The following SNX7 variants were observed in gnomAD, a reference collection of about 807,000 sequenced individuals.
SNX7 encodes the protein sorting nexin 7.
A neutral mutation model predicts 48.4 loss-of-function variants in SNX7; 35 were observed. That is an observed-to-expected ratio of 0.72 (90% CI 0.55 to 0.96). The LOEUF is 0.96. Ranked by LOEUF, SNX7 falls within the 40% of genes least tolerant of loss-of-function variation. The probability of loss-of-function intolerance (pLI) is 0.00; values close to 1 mark genes in which losing one functional copy is unlikely to be tolerated. For missense variants in SNX7, 553 were observed against 548.9 expected (o/e 1.01, Z -0.07); for synonymous variants, 190 against 190.2 (o/e 1.00, Z 0.01).
chr1:98,744,393 A>G (rs1228367037), intron 8 of SNX7, among the ~76,000 whole-genome samples: 4 of 152,088 alleles, frequency 2.6e-5, no homozygotes, highest in East Asian at 3.9e-4. Flanking sequence ...AGGAGGATAC[A>G]GTCAAGAAGG....
intron 7 of SNX7, among the ~76,000 whole-genome samples, chr1:98,728,841 T>C (rs1653335097): frequency 1.3e-5 from 2 of 152,092 alleles, no homozygotes; most frequent in Non-Finnish European, 2.9e-5. Context: ...CACATAATAA[T>C]AGTAGGATAC....
chr1:98,725,918 A>G (rs770592060), intron 7 of SNX7, among the ~76,000 whole-genome samples: 45 of 152,144 alleles, frequency 3.0e-4, no homozygotes, highest in Non-Finnish European at 5.4e-4. Context: ...TTCACCCACC[A>G]ACACTCTCAG....
chr1:98,687,133 C>T (rs1650846413), intron 2 of SNX7, among the ~76,000 whole-genome samples: 2 of 152,108 alleles, frequency 1.3e-5, no homozygotes, highest in Non-Finnish European at 2.9e-5. Flanking sequence ...CATGTTAACT[C>T]ATTTAGGCTC....
intron 7 of SNX7, among the ~76,000 whole-genome samples, chr1:98,719,857 T>C (rs1652771364): frequency 1.0e-5 from 1 of 95,794 alleles, no homozygotes. Flanking sequence ...GGTTTTTGAG[T>C]CAACTATATA....
intron 7 of SNX7, among the ~76,000 whole-genome samples, chr1:98,711,980 CT>C (rs1652335513): frequency 6.6e-6 from 1 of 152,178 alleles, no homozygotes; most frequent in African/African-American, 2.4e-5. Context: ...CAAGAAATCA[CT>C]TTCTTTGCTC....
At chr1:98,677,782 G>A (rs1032832918) in intron 1 of SNX7, among the ~76,000 whole-genome samples, 4 of 151,660 alleles carry the variant, frequency 2.6e-5, no homozygotes, top group Non-Finnish European at 2.9e-5. Context: ...GGAGTCTGAC[G>A]CAGGAGAATT....
intron 1 of SNX7, among the ~76,000 whole-genome samples, chr1:98,674,458 A>G (rs1373958438): frequency 6.6e-6 from 1 of 152,108 alleles, no homozygotes; most frequent in Non-Finnish European, 1.5e-5. Flanking sequence ...CCCTCCATCC[A>G]TGTTTCTGTG....
chr1:98,749,427 T>C (rs1654473044), intron 8 of SNX7, among the ~76,000 whole-genome samples: 1 of 152,172 alleles, frequency 6.6e-6, no homozygotes, highest in African/African-American at 2.4e-5. Flanking sequence ...TGTACACTTA[T>C]CACTTACATT....
intron 5 of SNX7, among the ~76,000 whole-genome samples, chr1:98,698,493 G>A (rs1477062148): frequency 6.6e-6 from 1 of 152,036 alleles, no homozygotes; most frequent in Non-Finnish European, 1.5e-5. Context: ...TGTTATTATT[G>A]ATTACACTTG....
chr1:98,691,720 C>T, intron 4 of SNX7, 21 bp downstream of exon 4: 2 of 1,557,666 alleles, frequency 1.3e-6, no homozygotes. Context: ...TTTATTTATA[C>T]TCATATAATC....
intron 4 of SNX7, among the ~76,000 whole-genome samples, chr1:98,694,452 T>C (rs1413035397): frequency 6.6e-6 from 1 of 151,864 alleles, no homozygotes; most frequent in East Asian, 1.9e-4. Context: ...TTCATTTGGC[T>C]GAAGTGCTAT....
chr1:98,731,480 T>G (rs931713319), intron 7 of SNX7, among the ~76,000 whole-genome samples: 3 of 152,154 alleles, frequency 2.0e-5, no homozygotes, highest in Non-Finnish European at 4.4e-5. Context: ...TAGAAAAATT[T>G]TCAGTTATTT....
At chr1:98,689,154 C>A (rs1404876274) in intron 2 of SNX7, among the ~76,000 whole-genome samples, 1 of 152,120 alleles carries the variant, frequency 6.6e-6, no homozygotes, top group Non-Finnish European at 1.5e-5. Context: ...CTGCCTGCCT[C>A]GGCCTCCCAA....
chr1:98,731,151 C>T (rs1169094972), intron 7 of SNX7, among the ~76,000 whole-genome samples: 6 of 143,712 alleles, frequency 4.2e-5, no homozygotes, highest in Admixed American at 6.9e-5. Context: ...GTATTCCTGC[C>T]TTTTTTTTTT....
In SNX7 at chr1:98,714,125, C is replaced by T. The variant is rs560139077; in HGVS notation, c.1125+12222C>T. Among the ~76,000 whole-genome samples the T allele has an allele frequency of 3.5e-4, 54 of 152,306 alleles. No individual in the cohort carries two copies. The South Asian group carries it at 8.1e-3, about 23-fold the overall frequency. ...AGACTTTGGAGAGTAAGCCTTTTCT[C>T]TCTGGTGAATCTTAGTCAGTAGTCA... On this transcript the variant is annotated intron_variant, in intron 7 of 8. Coordinates refer to ENST00000306121, the MANE Select transcript of SNX7 (RefSeq NM_015976.5).
Position 98,703,634 on chromosome 1 carries a change from AAC to A in SNX7, c.1125+1734_1125+1735del, listed in dbSNP as rs754239307. Among the ~76,000 whole-genome samples, 301 of 152,070 alleles carry A rather than the reference AAC, an allele frequency of 2.0e-3. 1 individual carries two copies. The highest frequency in any genetic ancestry group is 2.4e-3 in the Non-Finnish European group (165 of 67,968). On this transcript the variant is annotated intron_variant, in intron 7 of 8. Coordinates refer to ENST00000306121, the MANE Select transcript of SNX7 (RefSeq NM_015976.5). The stretch of plus-strand genomic sequence containing the variant: ...ATTTGATAAGAAACAATTGACTCCT[AAC>A]ACTCTTTCTATATATAGTTAAGAAA...
At chr1:98,710,465 A>C (rs984429082) in intron 7 of SNX7, among the ~76,000 whole-genome samples, 4 of 152,076 alleles carry the variant, frequency 2.6e-5, no homozygotes, top group Non-Finnish European at 5.9e-5. Context: ...CCTTAACTGC[A>C]ACCGAAAAAG....
At chr1:98,689,988 A>G (rs970416181) in intron 2 of SNX7, among the ~76,000 whole-genome samples, 2 of 152,122 alleles carry the variant, frequency 1.3e-5, no homozygotes, top group Non-Finnish European at 2.9e-5. Context: ...ACATTGTATG[A>G]TATTCTGAAC....
rs761625045 is a variant in SNX7, at chr1:98,662,823, C to G, written c.180+912C>G. 97 of 1,289,126 alleles carry G rather than the reference C, an allele frequency of 7.5e-5. 2 individuals carry two copies. The South Asian group carries it at 1.1e-3, about 15-fold the overall frequency. 79.9% of individuals were successfully genotyped at this position (1,289,126 alleles called of 1,614,324 possible). A position where few individuals can be genotyped will look rare whatever the true frequency, so the allele number is the denominator to read the frequency against. ...CGTTACCTGGAGATATTAGGTAAAG[C>G]AAACGACCTACTTAACCACCGCATT... On this transcript the variant is annotated intron_variant, in intron 1 of 8. Coordinates refer to ENST00000306121, the MANE Select transcript of SNX7 (RefSeq NM_015976.5).
Sources: allele counts gnomAD v4.1 joint callset (sites outside exome capture counted in the v4.1 genomes callset), GRCh38; gene constraint gnomAD v4.1.1; transcripts MANE v1.5; gene names NCBI Gene and HGNC (gene_info 2026-07-23, HGNC 2026-07-21).